The following BDP1 variants were observed in gnomAD, a reference collection of about 807,000 sequenced individuals.
The protein encoded by BDP1 is BDP1 general transcription factor IIIB subunit, also known as transcription factor TFIIIB component B'' homolog.
A neutral mutation model predicts 266.6 loss-of-function variants in BDP1; 169 were observed. That is an observed-to-expected ratio of 0.63 (90% CI 0.56 to 0.72). BDP1 has a LOEUF of 0.72. Among genes scored for constraint, BDP1 ranks in the 30% least tolerant of loss-of-function variants. BDP1 has a pLI of 0.00. For synonymous variants in BDP1, 1,090 were observed against 1,022.4 expected, an observed-to-expected ratio of 1.07 and a Z score of -1.26; for missense variants, 3,015 against 3,053.8, an observed-to-expected ratio of 0.99 and a Z score of 0.30.
At chr5:71,456,970 T>C (rs1459323158) in intron 1 of BDP1, among the ~76,000 whole-genome samples, 1 of 152,240 alleles carries the variant, frequency 6.6e-6, no homozygotes, top group Admixed American at 6.5e-5. Context: ...CATCTTCCTC[T>C]ATTGGCCTGA....
chr5:71,555,442 C>CTT (rs780342284), intron 35 of BDP1, among the ~76,000 whole-genome samples: 1 of 139,706 alleles, frequency 7.2e-6, no homozygotes, highest in Non-Finnish European at 1.6e-5. Flanking sequence ...TTTCTTTATT[C>CTT]TTTTTTTTTT....
intron 7 of BDP1, among the ~76,000 whole-genome samples, chr5:71,472,219 G>A (rs1444094493): frequency 1.3e-5 from 2 of 152,228 alleles, no homozygotes; most frequent in Non-Finnish European, 2.9e-5. Flanking sequence ...CCAGCACTTT[G>A]GGAGGCCAAG....
intron 17 of BDP1, among the ~76,000 whole-genome samples, chr5:71,511,692 T>C (rs899924163): frequency 1.3e-5 from 2 of 151,266 alleles, no homozygotes; most frequent in African/African-American, 4.9e-5. Context: ...GTCACTGTTA[T>C]TATTATTATT....
intron 30 of BDP1, 75 bp downstream of exon 30, chr5:71,542,340 T>A: frequency 2.2e-6 from 3 of 1,337,404 alleles, no homozygotes; most frequent in Non-Finnish European, 3.1e-6. Context: ...AAAGAAATAT[T>A]TGGTCATTAA....
intron 2 of BDP1, 51 bp from the exon 3 acceptor site, chr5:71,461,766 C>A: frequency 1.9e-6 from 2 of 1,063,356 alleles, no homozygotes; most frequent in Non-Finnish European, 1.4e-6. Flanking sequence ...TATAGTACAT[C>A]TGAAATTCTT....
Position 71,464,014 on chromosome 5 carries a change from T to C in BDP1, c.600-44T>C, listed in dbSNP as rs1383998209. On this transcript the variant is annotated intron_variant, in intron 3 of 38. Coordinates refer to ENST00000358731, the MANE Select transcript of BDP1 (RefSeq NM_018429.3). ...GCCTACAGATAGAATTGGGAAGATATAAATTAATAATTTATTAAAGATATT... is the reference window on the plus strand; with the variant it reads ...GCCTACAGATAGAATTGGGAAGATACAAATTAATAATTTATTAAAGATATT... 3.5e-6 allele frequency: 4 copies of C among 1,139,808 alleles called. No homozygotes were observed. In the African/African-American group the frequency reaches 4.8e-5, roughly 14 times the overall value. The allele number at this position is 1,139,808 out of a possible 1,614,324, so 70.6% of individuals were successfully genotyped here.
chr5:71,573,099 T>C, the BDP1 span, among the ~76,000 whole-genome samples: 1 of 151,922 alleles, frequency 6.6e-6, no homozygotes, highest in Non-Finnish European at 1.5e-5. Flanking sequence ...CGTGGTGGCA[T>C]GTGCCTGTAG....
intron 16 of BDP1, 82 bp downstream of exon 16, chr5:71,504,833 AT>A: frequency 2.3e-6 from 3 of 1,303,236 alleles, no homozygotes; most frequent in Non-Finnish European, 3.3e-6. Flanking sequence ...AGCAGAAGCA[AT>A]TTAGATGGAT....
Position 71,458,741 on chromosome 5 carries a change from T to C in BDP1, c.375T>C (p.Ala125=). The C allele has an allele frequency of 6.2e-7, 1 of 1,614,050 alleles. No homozygotes were observed. The highest frequency in any genetic ancestry group is 1.3e-5 in the African/African-American group (1 of 75,010). Residue 125 remains alanine (A), a synonymous_variant, in exon 2 of 39, where the codon GCT becomes GCC. Coordinates refer to ENST00000358731, the MANE Select transcript of BDP1 (RefSeq NM_018429.3). ...SHPLSTINQE[A]PQPTATSTKE... ...CCTTATCTACAATTAATCAAGAGGC[T>C]CCACAGCCAACTGCCACTTCAACAA...
At chr5:71,492,268 T>C (rs901650036) in intron 11 of BDP1, among the ~76,000 whole-genome samples, 4 of 152,212 alleles carry the variant, frequency 2.6e-5, no homozygotes, top group Admixed American at 1.3e-4. Context: ...GAAGTGGGGT[T>C]GCTAGATCAT....
At chr5:71,466,588 C>G (rs541415149) in intron 5 of BDP1, among the ~76,000 whole-genome samples, 12 of 152,058 alleles carry the variant, frequency 7.9e-5, no homozygotes, top group Non-Finnish European at 1.8e-4. Context: ...AAGAGCATAT[C>G]CTGGTGTGTG....
At chr5:71,472,058 T>C (rs1447059130) in intron 7 of BDP1, among the ~76,000 whole-genome samples, 1 of 152,272 alleles carries the variant, frequency 6.6e-6, no homozygotes, top group Non-Finnish European at 1.5e-5. Flanking sequence ...TCTGCTGATC[T>C]GTGTAATTAA....
chr5:71,530,214 A>G (rs1219293583), intron 25 of BDP1, among the ~76,000 whole-genome samples: 2 of 151,754 alleles, frequency 1.3e-5, no homozygotes, highest in Non-Finnish European at 2.9e-5. Context: ...TTTTTTTGTT[A>G]CATTTATTTA....
chr5:71,513,127 C>CTCCGTT lies in BDP1; in HGVS notation c.4248-54_4248-49dup, dbSNP rs1765025382. Reference sequence around the variant, plus strand: ...GCCAGTCTCTAAGGTTGTACTGAGACTCCGTTTCCACTGCCCCTTCAGTTC... The same window carrying CTCCGTT: ...GCCAGTCTCTAAGGTTGTACTGAGACTCCGTTTCCGTTTCCACTGCCCCTTCAGTTC... On this transcript the variant is annotated intron_variant, in intron 18 of 38. Transcript: ENST00000358731. The CTCCGTT allele has an allele frequency of 1.4e-5, 16 of 1,134,250 alleles. No individual in the cohort carries two copies. The Middle Eastern group carries it at 8.3e-4, about 59-fold the overall frequency. 70.3% of individuals were successfully genotyped at this position (1,134,250 alleles called of 1,614,324 possible).
chr5:71,491,715 G>T lies in BDP1; in HGVS notation c.1640+584G>T, dbSNP rs180757902. Among the ~76,000 whole-genome samples the T allele has an allele frequency of 3.5e-3, 524 of 151,698 alleles. 3 individuals carry two copies. The highest frequency in any genetic ancestry group is 0.012 in the African/African-American group (494 of 41,284). On this transcript the variant is annotated intron_variant, in intron 11 of 38. Coordinates refer to ENST00000358731, the MANE Select transcript of BDP1 (RefSeq NM_018429.3). ...GCAATCATGATTCTTTCTTTGTTTT[G>T]TTTTGTTTTGTTTTGTTTTTGAGAT...
At chr5:71,461,530 C>T (rs535088487) in intron 2 of BDP1, among the ~76,000 whole-genome samples, 148 of 152,136 alleles carry the variant, frequency 9.7e-4, no homozygotes, top group African/African-American at 3.3e-3. Context: ...GGGAGGACTG[C>T]TTGAGCTCAG....
intron 8 of BDP1, among the ~76,000 whole-genome samples, chr5:71,484,992 G>A (rs1763175142): frequency 6.6e-6 from 1 of 152,110 alleles, no homozygotes; most frequent in Admixed American, 6.6e-5. Context: ...TAGAAGATCT[G>A]GAATATTGTG....
At chr5:71,468,102 T>C (rs1419104925) in intron 6 of BDP1, among the ~76,000 whole-genome samples, 1 of 152,172 alleles carries the variant, frequency 6.6e-6, no homozygotes, top group Non-Finnish European at 1.5e-5. Flanking sequence ...CACTGCAACC[T>C]CTGCCTCCTG....
At chr5:71,470,545 TAG>T in intron 7 of BDP1, 56 bp downstream of exon 7, 1 of 1,149,476 alleles carries the variant, frequency 8.7e-7, no homozygotes, top group Non-Finnish European at 1.3e-6. Context: ...TTACAAATGT[TAG>T]TAGTATTATT....
Sources: gnomAD v4.1 joint callset for allele counts (sites outside exome capture counted in the v4.1 genomes callset) on GRCh38, gnomAD v4.1.1 for gene constraint, MANE v1.5 for transcripts, NCBI Gene and HGNC (gene_info 2026-07-23, HGNC 2026-07-21) for gene names.